Variants in PHACTR1 observed in about 807,000 individuals in gnomAD.
PHACTR1 encodes RPEL repeat containing 1.
A neutral mutation model predicts 69.2 loss-of-function variants in PHACTR1; 16 were observed. The ratio of observed to expected loss-of-function variants is 0.23; its 90% CI spans 0.16 to 0.35. The LOEUF (loss-of-function observed/expected upper bound fraction) is 0.35, where lower values mean the gene tolerates loss of function less well. Among genes scored for constraint, PHACTR1 ranks in the 10% least tolerant of loss-of-function variants. PHACTR1 has a pLI of 1.00. For missense variants in PHACTR1, 510 were observed against 734.7 expected (o/e 0.69, Z 3.54); for synonymous variants, 312 against 284.5 (o/e 1.10, Z -0.97).
intron 5 of PHACTR1, among the ~76,000 whole-genome samples, chr6:13,104,021 T>C (rs1421942701): frequency 6.6e-6 from 1 of 152,112 alleles, no homozygotes; most frequent in Non-Finnish European, 1.5e-5. Flanking sequence ...GAGGTGAAGG[T>C]TGCAGTGAGC....
intron 4 of PHACTR1, among the ~76,000 whole-genome samples, chr6:12,871,042 T>C (rs1781975660): frequency 6.6e-6 from 1 of 152,034 alleles, no homozygotes; most frequent in Admixed American, 6.5e-5. Context: ...TCTTAGCAAA[T>C]GTGTGGCTGC....
At chr6:13,260,649 C>G (rs1024074978) in intron 10 of PHACTR1, among the ~76,000 whole-genome samples, 12 of 152,164 alleles carry the variant, frequency 7.9e-5, no homozygotes, top group African/African-American at 1.9e-4. Context: ...ACTTGTTAAA[C>G]AGCAGGCTGA....
At chr6:12,871,884 AAC>A (rs200220027) in intron 4 of PHACTR1, among the ~76,000 whole-genome samples, 1 of 151,778 alleles carries the variant, frequency 6.6e-6, no homozygotes, top group African/African-American at 2.4e-5. Context: ...ACAAAAAAAA[AAC>A]ATTCCCTCAT....
In PHACTR1 at chr6:13,186,477, C is replaced by T. The variant is rs997118362; in HGVS notation, c.664+3791C>T. On this transcript the variant is annotated intron_variant, in intron 7 of 14. Coordinates refer to ENST00000332995, the MANE Select transcript of PHACTR1 (RefSeq NM_030948.6). ...AACAGCAAACAACTGCAACAGCCTG[C>T]ATATATCTTCATAAGCACTTCTGAG... Among the ~76,000 whole-genome samples, 5 of 152,304 alleles carry T rather than the reference C, an allele frequency of 3.3e-5. No individual in the cohort carries two copies. In the South Asian group the frequency reaches 1.0e-3, roughly 32 times the overall value.
chr6:13,044,599 CGAGGA>C (rs1278340845), intron 4 of PHACTR1, among the ~76,000 whole-genome samples: 1 of 152,064 alleles, frequency 6.6e-6, no homozygotes, highest in African/African-American at 2.4e-5. Flanking sequence ...ACCCAGAGTG[CGAGGA>C]GAGGAGGAGT....
chr6:13,230,113 GGAAGAAAAGAACAT>G lies in PHACTR1; in HGVS notation c.1312_1325del (p.Glu438ProfsTer7), dbSNP rs1770585099. The G allele has an allele frequency of 6.2e-7, 1 of 1,611,274 alleles. No homozygotes were observed. Among genetic ancestry groups the G allele is most frequent in the Non-Finnish European group, 8.5e-7 (1 of 1,178,936 alleles). ...GCAACAGGCCCTCCAAGCGAGAGCT[GGAAGAAAAGAACAT>G]CCTTCCCAGGCAGACGGATGAGGAG... On this transcript the variant is annotated frameshift_variant, in exon 10 of 15. Coordinates refer to ENST00000332995, the MANE Select transcript of PHACTR1 (RefSeq NM_030948.6). LOFTEE classifies it high-confidence loss of function.
At chr6:12,927,593 G>A (rs1304020507) in intron 4 of PHACTR1, among the ~76,000 whole-genome samples, 2 of 152,140 alleles carry the variant, frequency 1.3e-5, no homozygotes, top group Non-Finnish European at 2.9e-5. Flanking sequence ...AAAGTCACAC[G>A]GCCAGGATTT....
At chr6:13,197,256 A>G (rs183902025) in intron 7 of PHACTR1, among the ~76,000 whole-genome samples, 158 of 152,268 alleles carry the variant, frequency 1.0e-3, no homozygotes, top group African/African-American at 3.6e-3. Context: ...GACTTTGTAA[A>G]ATTAGAAAAA....
intron 10 of PHACTR1, among the ~76,000 whole-genome samples, chr6:13,248,347 A>G (rs1773876175): frequency 6.6e-6 from 1 of 152,226 alleles, no homozygotes; most frequent in Non-Finnish European, 1.5e-5. Flanking sequence ...AAACAAAACA[A>G]TGAAAAACAT....
At chr6:12,741,640 CTA>C (rs1404771020) in intron 3 of PHACTR1, among the ~76,000 whole-genome samples, 6 of 151,744 alleles carry the variant, frequency 4.0e-5, no homozygotes, top group Non-Finnish European at 7.4e-5. Context: ...TTTTTGTGTT[CTA>C]TGTCTTTATA....
chr6:13,252,828 AG>A (rs11366797), intron 10 of PHACTR1, among the ~76,000 whole-genome samples: 23,091 of 152,182 alleles, frequency 0.15, 2,310 homozygotes, highest in Admixed American at 0.26. Flanking sequence ...GGGTCAGGAA[AG>A]GTAGGGAAAA....
intron 4 of PHACTR1, among the ~76,000 whole-genome samples, chr6:12,824,848 A>G (rs1267624664): frequency 6.6e-6 from 1 of 152,116 alleles, no homozygotes; most frequent in Non-Finnish European, 1.5e-5. Flanking sequence ...TTCTGCAACC[A>G]AAGTACTTGG....
intron 4 of PHACTR1, among the ~76,000 whole-genome samples, chr6:12,914,106 T>C (rs1024265811): frequency 2.0e-5 from 3 of 151,610 alleles, no homozygotes; most frequent in Non-Finnish European, 4.4e-5. Context: ...GTAGCTGGGA[T>C]TACAGGCACA....
intron 5 of PHACTR1, among the ~76,000 whole-genome samples, chr6:13,106,051 C>A (rs1019985064): frequency 6.6e-6 from 1 of 152,090 alleles, no homozygotes; most frequent in African/African-American, 2.4e-5. Context: ...GTGGCAACAG[C>A]AAACAGTTTT....
chr6:12,831,614 G>C (rs1195811306), intron 4 of PHACTR1, among the ~76,000 whole-genome samples: 1 of 152,084 alleles, frequency 6.6e-6, no homozygotes, highest in Non-Finnish European at 1.5e-5. Context: ...CCTCATAGGA[G>C]GCCTTGGCCT....
intron 7 of PHACTR1, among the ~76,000 whole-genome samples, chr6:13,198,321 T>G (rs115070716): frequency 0.016 from 2,502 of 152,282 alleles, 69 homozygotes; most frequent in African/African-American, 0.057. Flanking sequence ...GCACGAGGCC[T>G]TGGGGGTCCC....
At chr6:12,841,355 C>A (rs538691473) in intron 4 of PHACTR1, among the ~76,000 whole-genome samples, 27 of 151,646 alleles carry the variant, frequency 1.8e-4, no homozygotes, top group Non-Finnish European at 1.2e-4. Context: ...TGTGCCTCTA[C>A]CATAGTTGCA....
intron 4 of PHACTR1, among the ~76,000 whole-genome samples, chr6:12,928,752 C>G (rs189475225): frequency 9.9e-5 from 15 of 152,210 alleles, no homozygotes; most frequent in African/African-American, 3.4e-4. Flanking sequence ...GCCCAGCCCC[C>G]TGGGCAAGGC....
intron 4 of PHACTR1, among the ~76,000 whole-genome samples, chr6:12,874,674 TGTG>T (rs1782369778): frequency 6.6e-6 from 1 of 152,208 alleles, no homozygotes; most frequent in Non-Finnish European, 1.5e-5. Flanking sequence ...CATTTCCAAA[TGTG>T]GTATCAAACT....
Sources: allele counts gnomAD v4.1 joint callset (sites outside exome capture counted in the v4.1 genomes callset), GRCh38; gene constraint gnomAD v4.1.1; transcripts MANE v1.5; gene names NCBI Gene and HGNC (gene_info 2026-07-23, HGNC 2026-07-21).